Variants in LDLRAD4 observed in about 807,000 individuals in gnomAD.
The protein encoded by LDLRAD4 is low density lipoprotein receptor class A domain containing 4, also known as low-density lipoprotein receptor class A domain-containing protein 4.
LDLRAD4 carries 5 observed loss-of-function variants against 17.0 expected under a neutral mutation model. That is an observed-to-expected ratio of 0.29 (90% CI 0.15 to 0.62). LDLRAD4 has a LOEUF of 0.62. Ranked by LOEUF, LDLRAD4 falls within the 20% of genes least tolerant of loss-of-function variation. The pLI is 0.84. For synonymous variants in LDLRAD4, 168 were observed against 171.8 expected (o/e 0.98, Z 0.17); for missense variants, 340 against 424.7 (o/e 0.80, Z 1.75).
At chr18:13,310,907 T>G (rs1419192755) in intron 1 of LDLRAD4, among the ~76,000 whole-genome samples, 1 of 152,208 alleles carries the variant, frequency 6.6e-6, no homozygotes, top group African/African-American at 2.4e-5. Flanking sequence ...AAGATGCAGA[T>G]TCTGGATCCA....
chr18:13,428,893 C>T (rs2090133259), intron 2 of LDLRAD4, among the ~76,000 whole-genome samples: 1 of 152,112 alleles, frequency 6.6e-6, no homozygotes, highest in South Asian at 2.1e-4. Context: ...TTATACATTC[C>T]ACAAGGATAT....
At chr18:13,463,480 G>A (rs1174987529) in intron 3 of LDLRAD4, among the ~76,000 whole-genome samples, 11 of 152,178 alleles carry the variant, frequency 7.2e-5, no homozygotes, top group Non-Finnish European at 1.5e-5. Context: ...TGTTATTTTT[G>A]TGCTCAAACA....
intron 1 of LDLRAD4, among the ~76,000 whole-genome samples, chr18:13,317,386 A>G (rs182704815): frequency 8.8e-4 from 134 of 152,224 alleles, no homozygotes; most frequent in African/African-American, 3.0e-3. Flanking sequence ...CTGCTCAGCT[A>G]TTCAGATGAT....
rs144256737 is a variant in LDLRAD4 at position 13,220,922 on chromosome 18, T to C, written c.-467+1934T>C. On this transcript the variant is annotated intron_variant, in intron 1 of 5. Coordinates refer to the LDLRAD4 transcript ENST00000399848. ...TGCATGTAGCCAGCATAAAGTCTCC[T>C]TGTGGTGGGTGGGAGGTGACTGCTC... 2.6e-5 allele frequency among the ~76,000 whole-genome samples: 4 copies of C among 152,322 alleles called. No homozygotes were observed. The East Asian group carries it at 7.7e-4, about 29-fold the overall frequency.
At chr18:13,649,979 A>G (rs923589686) in exon 6 of LDLRAD4, 12 of 398,046 alleles carry the variant, frequency 3.0e-5, no homozygotes, top group Admixed American at 4.4e-5. Context: ...GTGCGAGGAA[A>G]GTCACAAATT....
intron 1 of LDLRAD4, among the ~76,000 whole-genome samples, chr18:13,303,291 G>T (rs528483493): frequency 1.3e-5 from 2 of 152,312 alleles, no homozygotes; most frequent in East Asian, 3.9e-4. Flanking sequence ...CTGATGCCCA[G>T]GCTGAAGTGC....
chr18:13,599,155 A>G (rs904983094), intron 3 of LDLRAD4, among the ~76,000 whole-genome samples: 1 of 152,126 alleles, frequency 6.6e-6, no homozygotes, highest in African/African-American at 2.4e-5. Context: ...TGGAGATGCC[A>G]TAGGCTTTGT....
intron 1 of LDLRAD4, among the ~76,000 whole-genome samples, chr18:13,299,198 T>C (rs571197028): frequency 2.0e-5 from 3 of 152,364 alleles, no homozygotes; most frequent in East Asian, 1.9e-4. Context: ...AGCTCAATGC[T>C]GGCGAGACCC....
intron 2 of LDLRAD4, chr18:13,421,220 T>C (rs1470029780): frequency 6.6e-6 from 1 of 152,256 alleles, no homozygotes; most frequent in Non-Finnish European, 1.5e-5. Context: ...TGTGTGGGAA[T>C]AGTTTTGTAT....
Position 13,267,335 on chromosome 18 carries a change from T to TA in LDLRAD4, c.-466-10769dup, listed in dbSNP as rs1481037591. On this transcript the variant is annotated intron_variant, in intron 1 of 5. Transcript: ENST00000399848. ...GTGTGTGTCTGTGTTGTATTGTTTTTAGTGTGTGCACACAGGCCTGCAGCC... is the reference window on the plus strand; with the variant it reads ...GTGTGTGTCTGTGTTGTATTGTTTTTAAGTGTGTGCACACAGGCCTGCAGCC... Among the ~76,000 whole-genome samples the TA allele has an allele frequency of 2.6e-5, 4 of 152,366 alleles. No individual in the cohort carries two copies. The East Asian group carries it at 5.8e-4, about 22-fold the overall frequency.
At chr18:13,294,769 A>T (rs2046174113) in intron 1 of LDLRAD4, among the ~76,000 whole-genome samples, 1 of 151,992 alleles carries the variant, frequency 6.6e-6, no homozygotes, top group Non-Finnish European at 1.5e-5. Context: ...CACACTTGAT[A>T]TTAGGACAGC....
chr18:13,564,056 C>A (rs2094568397), intron 3 of LDLRAD4, among the ~76,000 whole-genome samples: 1 of 152,190 alleles, frequency 6.6e-6, no homozygotes, highest in Admixed American at 6.5e-5. Flanking sequence ...CAGGTATGCA[C>A]CACCACACCT....
At chr18:13,437,051 T>C (rs747136309) in intron 2 of LDLRAD4, among the ~76,000 whole-genome samples, 14 of 152,262 alleles carry the variant, frequency 9.2e-5, no homozygotes, top group Non-Finnish European at 1.8e-4. Flanking sequence ...CAGGCTGGGC[T>C]CTCATGGGGT....
At position 13,539,406 on chromosome 18, in the gene LDLRAD4, A is replaced by T. The variant is rs564395483; in HGVS notation, c.182-81711A>T. Among the ~76,000 whole-genome samples the T allele has an allele frequency of 4.6e-5, 7 of 152,370 alleles. No homozygotes were observed. The East Asian group carries it at 7.7e-4, about 17-fold the overall frequency. ...GCATAGAAAAAGAGCTGTTCAAGGG[A>T]GGAACCAGAGCACGAAAAAGCTAGT... On this transcript the variant is annotated intron_variant, in intron 3 of 5. Transcript: ENST00000359446.
At chr18:13,461,381 G>A (rs2146568022) in intron 3 of LDLRAD4, 1 of 152,394 alleles carries the variant, frequency 6.6e-6, no homozygotes, top group East Asian at 1.9e-4. Flanking sequence ...GTACCTGACT[G>A]AGGAAAATGG....
At chr18:13,237,153 C>T (rs1283186618) in intron 1 of LDLRAD4, among the ~76,000 whole-genome samples, 1 of 152,228 alleles carries the variant, frequency 6.6e-6, no homozygotes, top group African/African-American at 2.4e-5. Context: ...GGGCTGTGGC[C>T]TTTGGCCAGT....
intron 3 of LDLRAD4, among the ~76,000 whole-genome samples, chr18:13,530,098 G>C (rs912986977): frequency 6.6e-6 from 1 of 152,142 alleles, no homozygotes; most frequent in African/African-American, 2.4e-5. Context: ...ATTCACATTT[G>C]AGTCAAAAGA....
chr18:13,266,287 G>T (rs1185551385), intron 1 of LDLRAD4, among the ~76,000 whole-genome samples: 1 of 152,188 alleles, frequency 6.6e-6, no homozygotes, highest in African/African-American at 2.4e-5. Flanking sequence ...TAAGCCCTCT[G>T]CCCTCCAGCC....
intron 2 of LDLRAD4, among the ~76,000 whole-genome samples, chr18:13,415,492 T>C (rs1464298728): frequency 1.3e-5 from 2 of 151,604 alleles, no homozygotes; most frequent in Admixed American, 6.6e-5. Flanking sequence ...GGGTGGGAGG[T>C]GTGCTTTCCC....
Sources: allele counts gnomAD v4.1 joint callset (sites outside exome capture counted in the v4.1 genomes callset), GRCh38; gene constraint gnomAD v4.1.1; transcripts MANE v1.5; gene names NCBI Gene and HGNC (gene_info 2026-07-23, HGNC 2026-07-21).